The following CFAP54 variants were observed in gnomAD, a reference collection of about 807,000 sequenced individuals.
The protein encoded by CFAP54 is cilia and flagella associated protein 54, also known as cilia- and flagella-associated protein 54.
CFAP54 carries 290 observed loss-of-function variants against 370.4 expected under a neutral mutation model. The ratio of observed to expected loss-of-function variants is 0.78; its 90% CI spans 0.71 to 0.86. The LOEUF (loss-of-function observed/expected upper bound fraction) is 0.86. Ranked by LOEUF, CFAP54 falls within the 40% of genes least tolerant of loss-of-function variation. CFAP54 has a pLI of 0.00. For missense variants in CFAP54, 3,399 were observed against 3,528.7 expected (o/e 0.96, Z 0.93); for synonymous variants, 1,206 against 1,236.5 (o/e 0.98, Z 0.52).
At chr12:96,793,336 T>C (rs1476046096) in intron 63 of CFAP54, among the ~76,000 whole-genome samples, 1 of 152,228 alleles carries the variant, frequency 6.6e-6, no homozygotes, top group Non-Finnish European at 1.5e-5. Context: ...TAGTCTCCAA[T>C]TCCATCCAGG....
chr12:96,668,006 A>G (rs1957100923), intron 39 of CFAP54, among the ~76,000 whole-genome samples: 1 of 152,160 alleles, frequency 6.6e-6, no homozygotes, highest in Non-Finnish European at 1.5e-5. Context: ...CCTTTACTCC[A>G]GTTTCCAACA....
At chr12:96,733,150 C>A (rs1263294520) in intron 50 of CFAP54, among the ~76,000 whole-genome samples, 1 of 152,120 alleles carries the variant, frequency 6.6e-6, no homozygotes, top group East Asian at 1.9e-4. Flanking sequence ...ACGAACCTGG[C>A]CCTTGGGACA....
intron 32 of CFAP54, among the ~76,000 whole-genome samples, chr12:96,633,348 T>C (rs549522681): frequency 6.6e-6 from 1 of 152,324 alleles, no homozygotes; most frequent in South Asian, 2.1e-4. Flanking sequence ...AGAGATCCCA[T>C]ATACCCTTCA....
intron 67 of CFAP54, among the ~76,000 whole-genome samples, chr12:96,868,737 G>A (rs141348442): frequency 1.2e-4 from 18 of 152,276 alleles, no homozygotes; most frequent in African/African-American, 4.3e-4. Flanking sequence ...GGAGCCAGGA[G>A]TTGAGCCCTT....
chr12:96,635,895 A>G (rs1384250712), intron 32 of CFAP54, among the ~76,000 whole-genome samples: 3 of 152,152 alleles, frequency 2.0e-5, no homozygotes, highest in African/African-American at 7.2e-5. Context: ...AGTTGGGAGC[A>G]CCACCCTCCT....
intron 55 of CFAP54, among the ~76,000 whole-genome samples, chr12:96,748,221 C>A (rs1237458844): frequency 6.6e-6 from 1 of 152,212 alleles, no homozygotes; most frequent in Admixed American, 6.5e-5. Flanking sequence ...AATAAACTCA[C>A]CATCTAGAGA....
intron 19 of CFAP54, among the ~76,000 whole-genome samples, chr12:96,575,876 G>GT (rs1339461527): frequency 4.6e-5 from 7 of 151,920 alleles, no homozygotes; most frequent in Non-Finnish European, 7.4e-5. Context: ...CTTTACATGG[G>GT]TTTTTACTTA....
chr12:96,651,763 C>T lies in CFAP54; in HGVS notation c.5048C>T (p.Ala1683Val). 3 of 1,613,012 alleles carry T rather than the reference C, an allele frequency of 1.9e-6. No homozygotes were observed. Among genetic ancestry groups the T allele is most frequent in the Admixed American group, 1.7e-5 (1 of 59,988 alleles). ...CTSVLPFYLGAELLIDMLIQL... is the reference protein window; with the variant it reads ...CTSVLPFYLGVELLIDMLIQL... Reference sequence around the variant, plus strand: ...TCTGTTTTACCATTCTATTTGGGAGCAGAATTACTTATTGACATGTTAATA... The same window carrying T: ...TCTGTTTTACCATTCTATTTGGGAGTAGAATTACTTATTGACATGTTAATA... Residue 1683 changes from alanine (A) to valine (V), a missense_variant, in exon 36 of 68, where the codon GCA (alanine) becomes GTA (valine). Physicochemically the swap from Ala to Val is moderately conservative, Grantham distance 64 (BLOSUM62 0). Transcript: ENST00000524981.
At chr12:96,696,630 A>G (rs1486176759) in intron 45 of CFAP54, among the ~76,000 whole-genome samples, 1 of 152,114 alleles carries the variant, frequency 6.6e-6, no homozygotes, top group Non-Finnish European at 1.5e-5. Flanking sequence ...ATTATTTTCT[A>G]TAATTAATTA....
chr12:96,685,341 T>G, intron 42 of CFAP54, 103 bp downstream of exon 42: 2 of 946,608 alleles, frequency 2.1e-6, no homozygotes, highest in Non-Finnish European at 3.3e-6. Flanking sequence ...ACTGGATTTC[T>G]GGGAGGTTAT....
intron 66 of CFAP54, among the ~76,000 whole-genome samples, chr12:96,842,720 G>C (rs748837328): frequency 2.6e-5 from 4 of 152,108 alleles, no homozygotes; most frequent in Admixed American, 6.6e-5. Flanking sequence ...CTCAGCGAAA[G>C]TGCTCCTCTT....
intron 33 of CFAP54, 45 bp downstream of exon 33, chr12:96,644,453 C>A: frequency 2.3e-6 from 3 of 1,319,340 alleles, no homozygotes; most frequent in Non-Finnish European, 3.1e-6. Flanking sequence ...GTTTCATGAA[C>A]ATGGATTGTA....
intron 40 of CFAP54, among the ~76,000 whole-genome samples, chr12:96,683,483 A>T (rs1295858127): frequency 6.6e-6 from 1 of 152,226 alleles, no homozygotes. Flanking sequence ...ATCATGCAGA[A>T]ATACCCTTTT....
In CFAP54 at chr12:96,672,808, T is replaced by C. The variant is rs56412769; in HGVS notation, c.5564-6792T>C. 9.9e-3 allele frequency among the ~76,000 whole-genome samples: 1,511 copies of C among 152,324 alleles called. 10 individuals carry two copies. The highest frequency in any genetic ancestry group is 0.016 in the Non-Finnish European group (1,073 of 68,028). On this transcript the variant is annotated intron_variant, in intron 39 of 67. Coordinates refer to ENST00000524981, the MANE Select transcript of CFAP54 (RefSeq NM_001306084.2). The stretch of plus-strand genomic sequence containing the variant: ...GAGTTGCTACAAATGTGAGAAAATA[T>C]GTGAAAAATGGTTGTTATCAAAATG...
At chr12:96,499,662 C>T (rs754972552) in intron 1 of CFAP54, among the ~76,000 whole-genome samples, 5 of 152,074 alleles carry the variant, frequency 3.3e-5, no homozygotes, top group Admixed American at 6.6e-5. Context: ...ACCTGCACAT[C>T]GGGCTGGGAG....
intron 60 of CFAP54, among the ~76,000 whole-genome samples, chr12:96,774,056 A>G (rs1958490652): frequency 6.6e-6 from 1 of 152,144 alleles, no homozygotes. Flanking sequence ...ACATGGTGGG[A>G]GAAAAAAAGG....
chr12:96,559,531 C>T (rs1270295056), intron 17 of CFAP54, among the ~76,000 whole-genome samples: 1 of 152,014 alleles, frequency 6.6e-6, no homozygotes, highest in East Asian at 1.9e-4. Flanking sequence ...CTAAATCCAC[C>T]AATCATGACC....
chr12:96,650,515 G>A (rs776744868), intron 35 of CFAP54, among the ~76,000 whole-genome samples: 2 of 152,014 alleles, frequency 1.3e-5, no homozygotes, highest in Non-Finnish European at 2.9e-5. Flanking sequence ...CCCTGCCCTT[G>A]CCCCCGGTCT....
intron 50 of CFAP54, among the ~76,000 whole-genome samples, chr12:96,729,300 C>T (rs7295462): frequency 1.8e-4 from 28 of 151,864 alleles, no homozygotes; most frequent in Admixed American, 7.9e-4. Flanking sequence ...CTACAGAGGC[C>T]GGCAGGCCTC....
Sources: allele counts gnomAD v4.1 joint callset (sites outside exome capture counted in the v4.1 genomes callset), GRCh38; gene constraint gnomAD v4.1.1; transcripts MANE v1.5; gene names NCBI Gene and HGNC (gene_info 2026-07-23, HGNC 2026-07-21).